The following CPLX2 variants were observed in gnomAD, a reference collection of about 807,000 sequenced individuals.
CPLX2 encodes the protein complexin-2.
In CPLX2, 5 loss-of-function variants were observed where a neutral mutation model predicts 16.3. The observed-to-expected ratio is 0.31, with a 90% CI of 0.16 to 0.64. CPLX2 has a LOEUF of 0.64. Ranked by LOEUF, CPLX2 falls within the 30% of genes least tolerant of loss-of-function variation. The pLI is 0.79. For missense variants in CPLX2, 144 were observed against 181.4 expected (o/e 0.79, Z 1.18); for synonymous variants, 89 against 73.2 (o/e 1.22, Z -1.10).
intron 2 of CPLX2, among the ~76,000 whole-genome samples, chr5:175,852,076 C>G (rs1172083764): frequency 6.6e-6 from 1 of 152,206 alleles, no homozygotes; most frequent in Non-Finnish European, 1.5e-5. Context: ...TGACAGAAAC[C>G]TCAGCGCACA....
At chr5:175,846,724 C>T (rs1451875646) in intron 2 of CPLX2, among the ~76,000 whole-genome samples, 1 of 152,130 alleles carries the variant, frequency 6.6e-6, no homozygotes, top group Non-Finnish European at 1.5e-5. Context: ...GCTGCCTCAG[C>T]CCCCCAACTC....
chr5:175,839,009 G>A (rs1395729900), intron 2 of CPLX2, among the ~76,000 whole-genome samples: 3 of 152,154 alleles, frequency 2.0e-5, no homozygotes, highest in Non-Finnish European at 4.4e-5. Flanking sequence ...AGAACACAAG[G>A]AAGGTCGTCC....
chr5:175,865,994 A>G (rs1383639983), intron 2 of CPLX2, among the ~76,000 whole-genome samples: 1 of 152,212 alleles, frequency 6.6e-6, no homozygotes, highest in African/African-American at 2.4e-5. Context: ...TGATTCTAGT[A>G]TCCTGCAACT....
chr5:175,810,304 A>AG (rs1554118087), intron 2 of CPLX2, among the ~76,000 whole-genome samples: 1 of 150,270 alleles, frequency 6.7e-6, no homozygotes, highest in Non-Finnish European at 1.5e-5. Flanking sequence ...TCACACAGAG[A>AG]GTCGGGGACA....
chr5:175,849,242 T>C lies in CPLX2; in HGVS notation c.-88-29410T>C, dbSNP rs1023882475. On this transcript the variant is annotated intron_variant, in intron 2 of 4. Transcript: ENST00000359546. The surrounding 1 kb of genome is among the most constrained non-coding windows in gnomAD (Gnocchi z 4.4). ...TGTTTGGGTGGCACTGACCTGTCCA[T>C]TGTCACCAGCCAGCAGCTCAAAGGG... 6.6e-6 allele frequency among the ~76,000 whole-genome samples: 1 copy of C among 152,136 alleles called. No homozygotes were observed. Among genetic ancestry groups the C allele is most frequent in the African/African-American group, 2.4e-5 (1 of 41,434 alleles).
intron 2 of CPLX2, among the ~76,000 whole-genome samples, chr5:175,825,089 C>CAG (rs1394174355): frequency 6.6e-6 from 1 of 151,572 alleles, no homozygotes. Context: ...AACTAGGGTA[C>CAG]AGAGAAGCTT....
At chr5:175,879,428 C>G (rs1483239961) in intron 3 of CPLX2, among the ~76,000 whole-genome samples, 2 of 152,230 alleles carry the variant, frequency 1.3e-5, no homozygotes, top group African/African-American at 4.8e-5. Flanking sequence ...TGTCAGCTGT[C>G]ACTCCCAGCG....
At chr5:175,850,762 A>G (rs1461699259) in intron 2 of CPLX2, among the ~76,000 whole-genome samples, 1 of 152,118 alleles carries the variant, frequency 6.6e-6, no homozygotes, top group East Asian at 1.9e-4. Flanking sequence ...AAATGCCACC[A>G]TAGAAAGGGG....
intron 1 of CPLX2, among the ~76,000 whole-genome samples, chr5:175,805,255 G>C (rs1758175632): frequency 6.6e-6 from 1 of 152,146 alleles, no homozygotes; most frequent in Admixed American, 6.5e-5. Flanking sequence ...GTAAGCATAA[G>C]ATATATCCAT....
At chr5:175,844,256 G>A (rs1456284824) in intron 2 of CPLX2, among the ~76,000 whole-genome samples, 1 of 152,246 alleles carries the variant, frequency 6.6e-6, no homozygotes, top group Non-Finnish European at 1.5e-5. Flanking sequence ...CAGCGGGATG[G>A]AGACAGGGGC....
intron 1 of CPLX2, among the ~76,000 whole-genome samples, chr5:175,807,552 C>T (rs190432124): frequency 1.3e-5 from 2 of 152,360 alleles, no homozygotes; most frequent in East Asian, 3.9e-4. Flanking sequence ...ACAGGAACAT[C>T]TGCCCTGTTT....
upstream of CPLX2, among the ~76,000 whole-genome samples, chr5:175,867,290 T>C (rs561989193): frequency 2.0e-5 from 3 of 152,008 alleles, no homozygotes; most frequent in Non-Finnish European, 2.9e-5. Flanking sequence ...CCCTACACAA[T>C]AGCAGTGACA....
At chr5:175,842,234 C>T (rs1403044099) in intron 2 of CPLX2, among the ~76,000 whole-genome samples, 2 of 152,244 alleles carry the variant, frequency 1.3e-5, no homozygotes, top group African/African-American at 2.4e-5. Context: ...CAACCGAAAA[C>T]AGCAGGTGGT....
rs536141606 is a variant in CPLX2, at chr5:175,811,769, C to CAT, written c.-89+2703_-89+2704dup. ...GAGGCCTTTCAGAGAGGACCAGGGC[C>CAT]ATAGTCAGCACTGAAGAGCTGGATA... On this transcript the variant is annotated intron_variant, in intron 2 of 4. Coordinates refer to the CPLX2 transcript ENST00000359546. 2.6e-5 allele frequency among the ~76,000 whole-genome samples: 4 copies of CAT among 152,324 alleles called. No homozygotes were observed. The South Asian group carries it at 8.3e-4, about 32-fold the overall frequency.
At chr5:175,813,005 A>G (rs1758341170) in intron 2 of CPLX2, among the ~76,000 whole-genome samples, 1 of 152,142 alleles carries the variant, frequency 6.6e-6, no homozygotes, top group Non-Finnish European at 1.5e-5. Flanking sequence ...ACTTGGGGCA[A>G]GTGTCCCTTT....
intron 2 of CPLX2, 66 bp downstream of exon 2, chr5:175,878,836 C>T (rs1023889773): frequency 6.2e-7 from 1 of 1,607,990 alleles, no homozygotes; most frequent in Non-Finnish European, 8.5e-7. Flanking sequence ...GGCCTCGGCC[C>T]ACCCGGCCCC....
chr5:175,850,251 G>A (rs571007421), intron 2 of CPLX2, among the ~76,000 whole-genome samples: 2 of 152,324 alleles, frequency 1.3e-5, no homozygotes, highest in South Asian at 2.1e-4. Flanking sequence ...GGGCCCTGGG[G>A]TCTGAGGTCA....
chr5:175,819,464 T>C (rs990368503), intron 2 of CPLX2, among the ~76,000 whole-genome samples: 1 of 152,198 alleles, frequency 6.6e-6, no homozygotes, highest in Admixed American at 6.5e-5. Flanking sequence ...AGTGGTGCCG[T>C]TGGAATTTTT....
chr5:175,878,264 ACTGGGGACTCGAG>A lies in CPLX2; in HGVS notation c.-88-386_-88-374del, dbSNP rs1175231257. The A allele has an allele frequency of 8.3e-5, 13 of 155,860 alleles. No homozygotes were observed. The East Asian group carries it at 2.3e-3, about 27-fold the overall frequency. The allele number at this position is 155,860 out of a possible 1,614,324, so 9.7% of individuals were successfully genotyped here. ...CCATTTCTCTCTTAGAGAGGAGGAA[ACTGGGGACTCGAG>A]CAGGTTAGGGCCTTGCTGAAGGTCC... is the stretch of plus-strand genomic sequence containing the variant. On this transcript the variant is annotated intron_variant, in intron 1 of 3. Transcript: ENST00000393745.
Sources: gnomAD v4.1 joint callset for allele counts (sites outside exome capture counted in the v4.1 genomes callset) on GRCh38, gnomAD v4.1.1 for gene constraint, Gnocchi (gnomAD v3.1) non-coding constraint, MANE v1.5 for transcripts, NCBI Gene and HGNC (gene_info 2026-07-23, HGNC 2026-07-21) for gene names.